The following SGCZ variants were observed in gnomAD, a reference collection of about 807,000 sequenced individuals.
SGCZ encodes the protein sarcoglycan zeta, also known as zeta-sarcoglycan.
Under a neutral mutation model 41.3 loss-of-function variants are expected in SGCZ, and 40 were observed. That is an observed-to-expected ratio of 0.97 (90% CI 0.75 to 1.26). The LOEUF is 1.26. Among genes scored for constraint, SGCZ ranks in the 50% most tolerant of loss-of-function variants. SGCZ has a pLI of 0.00. For synonymous variants in SGCZ, 206 were observed against 137.5 expected, an observed-to-expected ratio of 1.50 and a Z score of -3.49; for missense variants, 552 against 369.8, an observed-to-expected ratio of 1.49 and a Z score of -4.04.
chr8:14,429,318 C>G (rs920599892), intron 2 of SGCZ, among the ~76,000 whole-genome samples: 10 of 152,064 alleles, frequency 6.6e-5, no homozygotes, highest in African/African-American at 2.2e-4. Context: ...GAGGTTTGGT[C>G]AAAGACTTGG....
intron 1 of SGCZ, among the ~76,000 whole-genome samples, chr8:15,178,351 A>G (rs1032728177): frequency 1.3e-5 from 2 of 152,160 alleles, no homozygotes; most frequent in Non-Finnish European, 2.9e-5. Context: ...ATTGTAGCGC[A>G]GAGATCTGAG....
intron 3 of SGCZ, among the ~76,000 whole-genome samples, chr8:14,246,765 C>A (rs1435579449): frequency 5.9e-5 from 9 of 151,350 alleles, no homozygotes; most frequent in African/African-American, 1.9e-4. Flanking sequence ...AAGAAATTAG[C>A]CAGTCATAGT....
intron 1 of SGCZ, among the ~76,000 whole-genome samples, chr8:14,841,666 T>C (rs1802919454): frequency 2.0e-5 from 3 of 152,198 alleles, no homozygotes; most frequent in African/African-American, 4.8e-5. Flanking sequence ...TTATGAGTGC[T>C]ATTGGAAGGG....
chr8:14,974,113 A>C (rs552600587), intron 1 of SGCZ, among the ~76,000 whole-genome samples: 1 of 152,312 alleles, frequency 6.6e-6, no homozygotes, highest in East Asian at 1.9e-4. Flanking sequence ...CACTGTGCAA[A>C]ATCAGCTTTG....
At chr8:14,981,458 A>G (rs896871317) in intron 1 of SGCZ, among the ~76,000 whole-genome samples, 1 of 152,234 alleles carries the variant, frequency 6.6e-6, no homozygotes, top group African/African-American at 2.4e-5. Flanking sequence ...TAATTCTTCA[A>G]GCTGCCTATG....
At chr8:14,445,428 G>T (rs1216980330) in intron 2 of SGCZ, among the ~76,000 whole-genome samples, 3 of 152,178 alleles carry the variant, frequency 2.0e-5, no homozygotes, top group African/African-American at 7.2e-5. Flanking sequence ...CTTGACTTCA[G>T]AGGAGAGACA....
chr8:14,624,007 G>T (rs1174578490), intron 1 of SGCZ, among the ~76,000 whole-genome samples: 2 of 152,144 alleles, frequency 1.3e-5, no homozygotes, highest in Non-Finnish European at 2.9e-5. Context: ...CAGGTATAAA[G>T]TCCTAACGTA....
rs1311831390 is a variant in SGCZ at position 14,714,486 on chromosome 8, A to AT, written c.40-159561dup. Among the ~76,000 whole-genome samples the AT allele has an allele frequency of 3.9e-5, 6 of 151,962 alleles. No individual in the cohort carries two copies. The East Asian group carries it at 5.8e-4, about 15-fold the overall frequency. On this transcript the variant is annotated intron_variant, in intron 1 of 7. Transcript: ENST00000382080. ...GAATTTCCGAAAAGCTATATGGAAT[A>AT]TTTTTTTTCAGTGAATAAAATGCCT... is the stretch of plus-strand genomic sequence containing the variant.
chr8:14,339,920 G>C (rs1396581001), intron 2 of SGCZ, among the ~76,000 whole-genome samples: 3 of 151,854 alleles, frequency 2.0e-5, no homozygotes. Flanking sequence ...AAGAGAAATG[G>C]AACGAAAATA....
chr8:14,351,792 G>A (rs527475914), intron 2 of SGCZ, among the ~76,000 whole-genome samples: 41 of 151,908 alleles, frequency 2.7e-4, no homozygotes, highest in Middle Eastern at 3.4e-3. Flanking sequence ...TTAACTATTT[G>A]GCAAATGGGT....
chr8:14,778,584 C>G (rs929471357), intron 1 of SGCZ, among the ~76,000 whole-genome samples: 2 of 151,784 alleles, frequency 1.3e-5, no homozygotes, highest in Non-Finnish European at 2.9e-5. Flanking sequence ...ATGTGGATGA[C>G]AAGAAACCTA....
intron 1 of SGCZ, among the ~76,000 whole-genome samples, chr8:14,556,548 T>C (rs1037000154): frequency 2.0e-5 from 3 of 152,004 alleles, no homozygotes; most frequent in Non-Finnish European, 2.9e-5. Flanking sequence ...CTCAGCAGTC[T>C]ATAATGAACC....
intron 1 of SGCZ, among the ~76,000 whole-genome samples, chr8:14,623,171 G>A (rs990697895): frequency 1.3e-5 from 2 of 152,084 alleles, no homozygotes; most frequent in African/African-American, 4.8e-5. Context: ...TACATCGGAA[G>A]GCATAATAAC....
At chr8:14,523,728 T>C (rs573894835) in intron 2 of SGCZ, among the ~76,000 whole-genome samples, 1 of 152,204 alleles carries the variant, frequency 6.6e-6, no homozygotes, top group African/African-American at 2.4e-5. Flanking sequence ...GTTTTTGTTT[T>C]ACCAAATTTA....
chr8:14,871,305 A>C (rs572701975), intron 1 of SGCZ, among the ~76,000 whole-genome samples: 1 of 152,304 alleles, frequency 6.6e-6, no homozygotes, highest in East Asian at 1.9e-4. Flanking sequence ...AATTATTTCA[A>C]CCACTGTGAA....
chr8:14,600,909 G>C (rs1039468971), intron 1 of SGCZ, among the ~76,000 whole-genome samples: 12 of 149,178 alleles, frequency 8.0e-5, no homozygotes, highest in African/African-American at 3.0e-4. Context: ...TTTTTTTTTT[G>C]ATCAACTTAA....
At chr8:14,376,030 A>G (rs1178444876) in intron 2 of SGCZ, among the ~76,000 whole-genome samples, 3 of 152,166 alleles carry the variant, frequency 2.0e-5, no homozygotes, top group Admixed American at 6.6e-5. Context: ...ACTACAATGG[A>G]AAGCCAGGCG....
chr8:14,547,711 C>G (rs1044370566), intron 2 of SGCZ, among the ~76,000 whole-genome samples: 1 of 151,718 alleles, frequency 6.6e-6, no homozygotes, highest in Non-Finnish European at 1.5e-5. Flanking sequence ...GATGAAGCAC[C>G]GAAGCCAGAG....
At chr8:14,375,310 A>C (rs1804075451) in intron 2 of SGCZ, among the ~76,000 whole-genome samples, 1 of 152,228 alleles carries the variant, frequency 6.6e-6, no homozygotes, top group African/African-American at 2.4e-5. Flanking sequence ...AAATAGGTAG[A>C]AACACATTAA....
Sources: allele counts gnomAD v4.1 joint callset (sites outside exome capture counted in the v4.1 genomes callset), GRCh38; gene constraint gnomAD v4.1.1; transcripts MANE v1.5; gene names NCBI Gene and HGNC (gene_info 2026-07-23, HGNC 2026-07-21).